Variants in RPS6KA6 observed in about 807,000 individuals in gnomAD.
The protein encoded by RPS6KA6 is ribosomal protein S6 kinase alpha-6.
In RPS6KA6, 27 loss-of-function variants were observed where a neutral mutation model predicts 65.4. The observed-to-expected ratio is 0.41, with a 90% CI of 0.30 to 0.57. The LOEUF (loss-of-function observed/expected upper bound fraction) is 0.57, where lower values mean the gene tolerates loss of function less well. RPS6KA6 is among the 20% of genes least tolerant of loss of function. The pLI, the probability that RPS6KA6 is intolerant of heterozygous loss-of-function variation, is 0.24. For missense variants in RPS6KA6, 486 were observed against 555.6 expected, an observed-to-expected ratio of 0.87 and a Z score of 1.26; for synonymous variants, 190 against 184.2, an observed-to-expected ratio of 1.03 and a Z score of -0.26.
chrX:84,066,281 G>A (rs2033400666), intron 20 of RPS6KA6, among the ~76,000 whole-genome samples: 1 of 107,336 alleles, frequency 9.3e-6, no homozygotes, highest in African/African-American at 3.4e-5. Flanking sequence ...CTCTGGAAGT[G>A]AGGCCGAAGC....
At chrX:84,170,285 A>C (rs2035662365) in intron 1 of RPS6KA6, among the ~76,000 whole-genome samples, 1 of 111,196 alleles carries the variant, frequency 9.0e-6, no homozygotes, top group Admixed American at 9.6e-5. Flanking sequence ...CTTTATTTAA[A>C]TAACAAAAGT....
intron 20 of RPS6KA6, among the ~76,000 whole-genome samples, chrX:84,094,442 A>T (rs2034111940): frequency 9.2e-6 from 1 of 108,833 alleles, no homozygotes; most frequent in South Asian, 4.1e-4. Flanking sequence ...GGAGATCGAG[A>T]CCATCCTTGC....
intron 16 of RPS6KA6, 48 bp from the exon 17 acceptor site, chrX:84,104,705 C>T: frequency 1.3e-6 from 1 of 777,931 alleles, no homozygotes; most frequent in Non-Finnish European, 1.7e-6. Flanking sequence ...AATTACAATT[C>T]TATAATTCTT....
intron 20 of RPS6KA6, among the ~76,000 whole-genome samples, chrX:84,090,727 C>G (rs1362367689): frequency 2.7e-5 from 3 of 111,658 alleles, no homozygotes; most frequent in Admixed American, 1.9e-4. Context: ...GATTCAGTTA[C>G]CTCCATCTGT....
Position 84,168,855 on chromosome X carries a change from C to T in RPS6KA6, c.82-4468G>A, listed in dbSNP as rs186555460. 1.0e-3 allele frequency among the ~76,000 whole-genome samples: 112 copies of T among 111,205 alleles called. 1 individual carries two copies. In the South Asian group the frequency reaches 0.012, roughly 12 times the overall value. On this transcript the variant is annotated intron_variant, in intron 1 of 21. Transcript: ENST00000262752. ...GGAAATTATCTCAGTCAGAAATGGC[C>T]TTTAGAAACAGAACACTCCATTGCT... is the stretch of plus-strand genomic sequence containing the variant.
In RPS6KA6 at chrX:84,060,287, A is replaced by G. The variant is rs1248952872; in HGVS notation, c.*3990T>C. On this transcript the variant is annotated 3_prime_UTR_variant, in exon 22 of 22. Coordinates refer to ENST00000262752, the MANE Select transcript of RPS6KA6 (RefSeq NM_014496.5). ...AACAAAAATGTTTTAAAGAAGTTTA[A>G]TTGCAGTTGGCCAATATATACTTAA... The G allele has an allele frequency of 1.8e-5, 2 of 109,440 alleles. No individual in the cohort carries two copies. The highest frequency in any genetic ancestry group is 6.7e-5 in the African/African-American group (2 of 30,070). 9.0% of individuals were successfully genotyped at this position (109,440 alleles called of 1,213,427 possible).
At chrX:84,117,284 A>G in intron 10 of RPS6KA6, 100 bp downstream of exon 10, 1 of 649,762 alleles carries the variant, frequency 1.5e-6, no homozygotes, top group African/African-American at 2.2e-5. Context: ...AGACAGTGAG[A>G]AAAAGGTACT....
intron 3 of RPS6KA6, among the ~76,000 whole-genome samples, chrX:84,153,159 T>G (rs754856652): frequency 7.1e-5 from 8 of 112,063 alleles, no homozygotes; most frequent in Non-Finnish European, 1.5e-4. Flanking sequence ...AACTATCACT[T>G]GAGAGTTGAT....
At chrX:84,068,790 G>A (rs972209158) in intron 20 of RPS6KA6, among the ~76,000 whole-genome samples, 4 of 111,221 alleles carry the variant, frequency 3.6e-5, no homozygotes, top group African/African-American at 1.3e-4. Flanking sequence ...CACAAGCAGA[G>A]AGCCAAATCA....
Position 84,119,792 on chromosome X carries a change from C to A in RPS6KA6, c.789+93G>T, listed in dbSNP as rs1318779844. The stretch of plus-strand genomic sequence containing the variant: ...AATTATAAATTATCAGAACCCCTTT[C>A]TGACCTGCTAAATCCCAAAATTTGA... On this transcript the variant is annotated intron_variant, in intron 9 of 21. Transcript: ENST00000262752. 1.5e-5 allele frequency: 10 copies of A among 646,592 alleles called. No individual in the cohort carries two copies. In the East Asian group the frequency reaches 4.2e-4, roughly 27 times the overall value. The allele number at this position is 646,592 out of a possible 1,213,427, so 53.3% of individuals were successfully genotyped here.
chrX:84,076,136 A>G (rs892948797), intron 20 of RPS6KA6, among the ~76,000 whole-genome samples: 1 of 112,370 alleles, frequency 8.9e-6, no homozygotes, highest in Non-Finnish European at 1.9e-5. Context: ...TAACCGAAAT[A>G]GCCATATACC....
intron 12 of RPS6KA6, among the ~76,000 whole-genome samples, chrX:84,108,433 T>G (rs2034404524): frequency 9.0e-6 from 1 of 111,584 alleles, no homozygotes. Flanking sequence ...TATTGACACT[T>G]CAAGTAGATT....
At chrX:84,108,244 T>G (rs951559833) in intron 12 of RPS6KA6, among the ~76,000 whole-genome samples, 1 of 111,951 alleles carries the variant, frequency 8.9e-6, no homozygotes, top group Non-Finnish European at 1.9e-5. Flanking sequence ...TCTTTTGAAA[T>G]CTATTTTTTA....
intron 8 of RPS6KA6, among the ~76,000 whole-genome samples, chrX:84,128,724 C>A (rs2147498193): frequency 9.0e-6 from 1 of 111,501 alleles, no homozygotes; most frequent in Non-Finnish European, 1.9e-5. Flanking sequence ...TGACAAGGTG[C>A]CAAGAACATA....
At chrX:84,113,613 T>C (rs2034508698) in intron 12 of RPS6KA6, among the ~76,000 whole-genome samples, 1 of 111,498 alleles carries the variant, frequency 9.0e-6, no homozygotes, top group Non-Finnish European at 1.9e-5. Context: ...CAATTCAACA[T>C]CACTTGATGA....
chrX:84,104,876 A>G lies in RPS6KA6; in HGVS notation c.1456-219T>C, dbSNP rs183453855. The stretch of plus-strand genomic sequence containing the variant: ...AGTCCCATGAAACCATGTTAAACAT[A>G]TAATTTTATTGCCTTTTGAAGTTAT... On this transcript the variant is annotated intron_variant, in intron 16 of 21. Coordinates refer to ENST00000262752, the MANE Select transcript of RPS6KA6 (RefSeq NM_014496.5). Among the ~76,000 whole-genome samples, 622 of 110,506 alleles carry G rather than the reference A, an allele frequency of 5.6e-3. 4 individuals carry two copies. The highest frequency in any genetic ancestry group is 0.02 in the African/African-American group (600 of 30,572).
chrX:84,170,164 C>CT (rs2035658385), intron 1 of RPS6KA6, among the ~76,000 whole-genome samples: 1 of 63,291 alleles, frequency 1.6e-5, no homozygotes, highest in Non-Finnish European at 2.8e-5. Context: ...AAGACTCCTT[C>CT]TAAAAAAAAA....
intron 12 of RPS6KA6, among the ~76,000 whole-genome samples, chrX:84,108,088 A>G (rs1041466800): frequency 1.5e-4 from 17 of 112,257 alleles, no homozygotes; most frequent in African/African-American, 5.5e-4. Context: ...CATCTAAAAT[A>G]TTGTTTTCAC....
chrX:84,163,183 C>T (rs1028582790), intron 2 of RPS6KA6, among the ~76,000 whole-genome samples: 30 of 111,750 alleles, frequency 2.7e-4, no homozygotes, highest in African/African-American at 9.7e-4. Context: ...TTCAGGTCTA[C>T]ATAATATATC....
Sources: gnomAD v4.1 joint callset for allele counts (sites outside exome capture counted in the v4.1 genomes callset) on GRCh38, gnomAD v4.1.1 for gene constraint, MANE v1.5 for transcripts, NCBI Gene and HGNC (gene_info 2026-07-23, HGNC 2026-07-21) for gene names.